Variants in NT5DC3 observed in about 807,000 individuals in gnomAD.
The protein encoded by NT5DC3 is 5'-nucleotidase domain-containing protein 3.
A neutral mutation model predicts 67.8 loss-of-function variants in NT5DC3; 42 were observed. The observed-to-expected ratio is 0.62, with a 90% CI of 0.48 to 0.80. NT5DC3 has a LOEUF of 0.80. Ranked by LOEUF, NT5DC3 falls within the 30% of genes least tolerant of loss-of-function variation. NT5DC3 has a pLI of 0.00. For synonymous variants in NT5DC3, 237 were observed against 255.6 expected, an observed-to-expected ratio of 0.93 and a Z score of 0.69; for missense variants, 570 against 696.4, an observed-to-expected ratio of 0.82 and a Z score of 2.04.
chr12:103,824,468 T>C (rs559971423), intron 1 of NT5DC3, among the ~76,000 whole-genome samples: 30 of 152,324 alleles, frequency 2.0e-4, no homozygotes, highest in Admixed American at 2.0e-3. Flanking sequence ...TCCAGTTTCT[T>C]CTGGGACCTG....
chr12:103,834,265 A>G (rs981056452), intron 1 of NT5DC3, among the ~76,000 whole-genome samples: 8 of 152,200 alleles, frequency 5.3e-5, no homozygotes, highest in Non-Finnish European at 1.2e-4. Flanking sequence ...AAAAATATAA[A>G]GAAGCTTTTC....
downstream of NT5DC3, chr12:103,768,956 G>A (rs145086205): frequency 4.2e-4 from 64 of 152,226 alleles, no homozygotes; most frequent in African/African-American, 1.5e-3. Context: ...AAGACCCAGT[G>A]TCTTCCCACG....
At chr12:103,824,606 T>C (rs1198325514) in intron 1 of NT5DC3, among the ~76,000 whole-genome samples, 2 of 152,210 alleles carry the variant, frequency 1.3e-5, no homozygotes, top group African/African-American at 2.4e-5. Flanking sequence ...TTTCACTTTA[T>C]AGTTTTATTG....
chr12:103,750,559 T>C, the NT5DC3 span: 2 of 1,612,656 alleles, frequency 1.2e-6, no homozygotes, highest in Middle Eastern at 3.3e-4. Flanking sequence ...TTTTCATCTC[T>C]TCCCACTCTC....
At chr12:103,782,055 A>G (rs568933314) in intron 12 of NT5DC3, among the ~76,000 whole-genome samples, 8 of 152,304 alleles carry the variant, frequency 5.3e-5, no homozygotes, top group Non-Finnish European at 7.4e-5. Flanking sequence ...GGTTGGGGGA[A>G]AAAAAACTCA....
intron 1 of NT5DC3, among the ~76,000 whole-genome samples, chr12:103,817,144 T>G (rs572211409): frequency 1.5e-4 from 23 of 152,104 alleles, no homozygotes; most frequent in South Asian, 2.1e-4. Flanking sequence ...GGCCTAATGA[T>G]GATGGAGAAA....
the NT5DC3 span, chr12:103,758,376 C>T: frequency 6.3e-7 from 1 of 1,579,964 alleles, no homozygotes; most frequent in South Asian, 1.1e-5. Flanking sequence ...CCTGAAAACT[C>T]AGTGGCTACA....
chr12:103,793,110 T>C, intron 9 of NT5DC3, 54 bp downstream of exon 9: 1 of 1,211,134 alleles, frequency 8.3e-7, no homozygotes, highest in East Asian at 2.3e-5. Flanking sequence ...ACCATCTATA[T>C]ATTCACAGCA....
Position 103,778,632 on chromosome 12 carries a change from T to C in NT5DC3, c.1395-551A>G, listed in dbSNP as rs1039798201. ...CCAGCATGGGCAACATAGTGAGACC[T>C]TGTCTCTACAAAAATGCAAAAAATT... On this transcript the variant is annotated intron_variant, in intron 13 of 13. Coordinates refer to ENST00000392876, the MANE Select transcript of NT5DC3 (RefSeq NM_001031701.3). Among the ~76,000 whole-genome samples, 11 of 152,140 alleles carry C rather than the reference T, an allele frequency of 7.2e-5. 1 individual carries two copies. The highest frequency in any genetic ancestry group is 2.0e-4 in the Admixed American group (3 of 15,276).
At chr12:103,814,860 C>T in intron 2 of NT5DC3, 77 bp downstream of exon 2, 1 of 1,055,348 alleles carries the variant, frequency 9.5e-7, no homozygotes, top group Non-Finnish European at 1.3e-6. Context: ...CTGTGGCAGA[C>T]TTGGGGTCAT....
chr12:103,831,646 A>AGT (rs151185807), intron 1 of NT5DC3, among the ~76,000 whole-genome samples: 58 of 151,950 alleles, frequency 3.8e-4, no homozygotes, highest in Admixed American at 7.9e-4. Flanking sequence ...AGTCTCCAAC[A>AGT]GTGTGTGTGT....
At chr12:103,761,067 G>A in the NT5DC3 span, among the ~76,000 whole-genome samples, 1 of 152,182 alleles carries the variant, frequency 6.6e-6, no homozygotes, top group Non-Finnish European at 1.5e-5. Flanking sequence ...AGACAAGTGG[G>A]TTGGACAAAT....
intron 2 of NT5DC3, among the ~76,000 whole-genome samples, chr12:103,811,115 G>A (rs1887010516): frequency 6.6e-6 from 1 of 152,148 alleles, no homozygotes; most frequent in African/African-American, 2.4e-5. Flanking sequence ...TTTGTGCCAG[G>A]GCCTGGGAAT....
chr12:103,753,494 C>A, the NT5DC3 span: 1 of 1,143,380 alleles, frequency 8.7e-7, no homozygotes, highest in African/African-American at 1.6e-5. Flanking sequence ...CTAACAGTCA[C>A]CATGTCCATT....
Position 103,773,077 on chromosome 12 carries a change from A to G in NT5DC3, c.*4752T>C, listed in dbSNP as rs1885228251. On this transcript the variant is annotated 3_prime_UTR_variant, in exon 14 of 14. Coordinates refer to ENST00000392876, the MANE Select transcript of NT5DC3 (RefSeq NM_001031701.3). ...AAGTAGCTCAGAGGGAATACAGTGC[A>G]CTTATTACCTACAGAACTTTCTCCT... The G allele has an allele frequency of 6.6e-6, 1 of 152,228 alleles. No homozygotes were observed. Among genetic ancestry groups the G allele is most frequent in the Non-Finnish European group, 1.5e-5 (1 of 68,060 alleles). 9.4% of individuals were successfully genotyped at this position (152,228 alleles called of 1,614,324 possible).
chr12:103,810,584 T>C (rs528880441), intron 2 of NT5DC3, among the ~76,000 whole-genome samples: 81 of 152,358 alleles, frequency 5.3e-4, no homozygotes, highest in African/African-American at 1.9e-3. Context: ...TTATTAAAAT[T>C]CTAATTTAGG....
chr12:103,812,756 G>T (rs1887088664), intron 2 of NT5DC3, among the ~76,000 whole-genome samples: 1 of 152,044 alleles, frequency 6.6e-6, no homozygotes, highest in Admixed American at 6.6e-5. Context: ...TTAATTTTTT[G>T]AACCTCAGTT....
the NT5DC3 span, chr12:103,763,721 T>C: frequency 2.0e-5 from 21 of 1,042,028 alleles, no homozygotes; most frequent in East Asian, 4.9e-4. Context: ...TTCTAGAATG[T>C]ATGTCAGGTA....
At chr12:103,808,730 C>T (rs911170470) in intron 2 of NT5DC3, among the ~76,000 whole-genome samples, 5 of 152,192 alleles carry the variant, frequency 3.3e-5, no homozygotes, top group South Asian at 2.1e-4. Context: ...CAGAACCCAA[C>T]GCTTGGCACC....
Sources: allele counts gnomAD v4.1 joint callset (sites outside exome capture counted in the v4.1 genomes callset), GRCh38; gene constraint gnomAD v4.1.1; transcripts MANE v1.5; gene names NCBI Gene and HGNC (gene_info 2026-07-23, HGNC 2026-07-21).